PADI6: variants seen among roughly 807,000 people sequenced by gnomAD.
PADI6 encodes the protein peptidyl arginine deiminase 6, also known as inactive protein-arginine deiminase type-6.
In PADI6, 66 loss-of-function variants were observed where a neutral mutation model predicts 78.2. That is an observed-to-expected ratio of 0.84 (90% CI 0.69 to 1.04). The LOEUF is 1.04. PADI6 is among the 50% of genes least tolerant of loss of function. The pLI is 0.00. For synonymous variants in PADI6, 397 were observed against 346.9 expected, an observed-to-expected ratio of 1.14 and a Z score of -1.60; for missense variants, 854 against 866.1, an observed-to-expected ratio of 0.99 and a Z score of 0.18.
At position 17,372,311 on chromosome 1, in the gene PADI6, T is replaced by C; in HGVS notation, c.66T>C (p.Pro22=). Residue 22 remains proline, a synonymous_variant, in exon 1 of 16, where the codon CCT becomes CCC. Coordinates refer to ENST00000619609, the MANE Select transcript of PADI6 (RefSeq NM_207421.4). ...TCATCCACCTGTCCCTGGACAGCCC[T>C]GTCCATGCCGTTTGTGTGTTGGGCA... is the stretch of plus-strand genomic sequence containing the variant. ...QSIIHLSLDS[P]VHAVCVLGTE... is the part of the protein sequence containing the mutation. 1 of 1,613,974 alleles carries C rather than the reference T, an allele frequency of 6.2e-7. No homozygotes were observed.
chr1:17,380,767 C>G (rs1386203081), intron 4 of PADI6, among the ~76,000 whole-genome samples: 1 of 152,184 alleles, frequency 6.6e-6, no homozygotes, highest in Non-Finnish European at 1.5e-5. Flanking sequence ...TGCCAGGTGG[C>G]ACGTCTCTTT....
At chr1:17,394,210 G>T (rs1237121923) in intron 10 of PADI6, 90 bp from the exon 11 acceptor site, 10 of 1,566,100 alleles carry the variant, frequency 6.4e-6, no homozygotes, top group East Asian at 2.3e-5. Context: ...GGACGTGGAA[G>T]TCTACCTGAG....
intron 5 of PADI6, 116 bp from the exon 6 acceptor site, chr1:17,381,851 G>T (rs79493782): frequency 8.0e-7 from 1 of 1,249,966 alleles, no homozygotes; most frequent in East Asian, 2.4e-5. Context: ...CTAGCAAAAG[G>T]CAGGGGGTCC....
chr1:17,392,183 A>C lies in PADI6; in HGVS notation c.1032A>C (p.Ala344=), dbSNP rs769342993. Residue 344 remains alanine (A), a synonymous_variant, in exon 9 of 16, where the codon GCA becomes GCC. Transcript: ENST00000619609. ...KLSEKSNSQV[A]SVYEDPNRLG... is the part of the protein sequence containing the mutation. ...GTGAGAAGAGCAACAGCCAGGTGGC[A>C]TCTGTCTATGAGGACCCCAACCGCC... The C allele has an allele frequency of 4.8e-5, 75 of 1,560,796 alleles. No homozygotes were observed. The South Asian group carries it at 5.0e-4, about 10-fold the overall frequency.
intron 3 of PADI6, among the ~76,000 whole-genome samples, chr1:17,378,236 G>A (rs570683487): frequency 6.6e-6 from 1 of 152,222 alleles, no homozygotes; most frequent in Admixed American, 6.5e-5. Context: ...CAAACATGAT[G>A]TACCTGCTTG....
At position 17,397,091 on chromosome 1, in the gene PADI6, G is replaced by T; in HGVS notation, c.1639G>T (p.Asp547Tyr). 6.2e-7 allele frequency: 1 copy of T among 1,613,786 alleles called. No individual in the cohort carries two copies. Among genetic ancestry groups the T allele is most frequent in the South Asian group, 1.1e-5 (1 of 90,986 alleles). ...LSNGREAKTIDQLLADESLKK... is the reference protein window; with the variant it reads ...LSNGREAKTIYQLLADESLKK... Reference sequence around the variant, plus strand: ...TACAGGAAGGGAAGCCAAAACCATCGACCAACTTCTGGCTGATGAAAGCCT... The same window carrying T: ...TACAGGAAGGGAAGCCAAAACCATCTACCAACTTCTGGCTGATGAAAGCCT... Residue 547 changes from aspartate (D) to tyrosine (Y), a missense_variant, in exon 14 of 16, where the codon GAC becomes TAC. Asp to Tyr is a radical substitution (Grantham distance 160). Transcript: ENST00000619609.
rs559040336 is a variant in PADI6 at position 17,397,064 on chromosome 1, C to T, written c.1619-7C>T. On this transcript the variant is annotated splice_region_variant and splice_polypyrimidine_tract_variant and intron_variant, in intron 13 of 15. Coordinates refer to ENST00000619609, the MANE Select transcript of PADI6 (RefSeq NM_207421.4). The stretch of plus-strand genomic sequence containing the variant: ...CCAGCAGGCCTGCTGCCCGCTTCTT[C>T]CTACAGGAAGGGAAGCCAAAACCAT... 4 of 1,613,536 alleles carry T rather than the reference C, an allele frequency of 2.5e-6. No individual in the cohort carries two copies. The African/African-American group carries it at 4.0e-5, about 16-fold the overall frequency.
Position 17,380,006 on chromosome 1 carries a change from G to A in PADI6, c.435+19G>A. 1 of 1,612,772 alleles carries A rather than the reference G, an allele frequency of 6.2e-7. No individual in the cohort carries two copies. Among genetic ancestry groups the A allele is most frequent in the Non-Finnish European group, 8.5e-7 (1 of 1,179,142 alleles). On this transcript the variant is annotated intron_variant, in intron 4 of 15. Coordinates refer to ENST00000619609, the MANE Select transcript of PADI6 (RefSeq NM_207421.4). ...GGCTAAGGTGAGTCTGCCAGCAAAA[G>A]GGGGCAGGGAAGGGGCCCTATAAGC...
At chr1:17,383,771 C>A (rs1188327803) in intron 6 of PADI6, among the ~76,000 whole-genome samples, 1 of 152,242 alleles carries the variant, frequency 6.6e-6, no homozygotes. Context: ...ACCCGAAAGG[C>A]AGAGGTTGCA....
intron 8 of PADI6, 134 bp from the exon 9 acceptor site, chr1:17,391,980 C>T (rs745541512): frequency 1.8e-4 from 127 of 689,782 alleles, no homozygotes; most frequent in Non-Finnish European, 2.9e-4. Context: ...GATGGTTGCT[C>T]TGTCGACCTC....
chr1:17,384,329 C>T (rs2075100866), intron 6 of PADI6, among the ~76,000 whole-genome samples: 2 of 150,786 alleles, frequency 1.3e-5, no homozygotes, highest in African/African-American at 2.4e-5. Flanking sequence ...TGTGTTGGCT[C>T]ACACCTGTAA....
At chr1:17,394,503 C>T (rs775134520) in intron 11 of PADI6, 49 bp downstream of exon 11, 5 of 1,579,996 alleles carry the variant, frequency 3.2e-6, no homozygotes, top group Non-Finnish European at 3.4e-6. Flanking sequence ...GGACCATGGT[C>T]GTTCCCCTGG....
chr1:17,401,642 G>A lies in PADI6; in HGVS notation c.*204G>A, dbSNP rs1191230349. 6 of 587,274 alleles carry A rather than the reference G, an allele frequency of 1.0e-5. No individual in the cohort carries two copies. The highest frequency in any genetic ancestry group is 1.9e-5 in the African/African-American group (1 of 53,632). 36.4% of individuals were successfully genotyped at this position (587,274 alleles called of 1,614,324 possible). A position where few individuals can be genotyped will look rare whatever the true frequency, so the allele number is the denominator to read the frequency against. On this transcript the variant is annotated 3_prime_UTR_variant, in exon 16 of 16. Coordinates refer to ENST00000619609, the MANE Select transcript of PADI6 (RefSeq NM_207421.4). The stretch of plus-strand genomic sequence containing the variant: ...ACCCCTATGGGGAAAAGATGCAAAA[G>A]TGTTCAGCCAAGTGACGTTTACTAA...
At chr1:17,396,988 C>T (rs2075253037) in intron 13 of PADI6, 83 bp from the exon 14 acceptor site, 2 of 1,386,664 alleles carry the variant, frequency 1.4e-6, no homozygotes, top group Admixed American at 1.9e-5. Flanking sequence ...ACCCAGGTGG[C>T]TGGGCCTGGC....
Position 17,394,343 on chromosome 1 carries a change from A to T in PADI6, c.1226A>T (p.Lys409Ile). 1 of 1,613,850 alleles carries T rather than the reference A, an allele frequency of 6.2e-7. No homozygotes were observed. Residue 409 changes from lysine (K) to isoleucine (I), a missense_variant, in exon 11 of 16, where the codon AAA becomes ATA. Lys to Ile is a moderately radical substitution (Grantham distance 102). Transcript: ENST00000619609. Reference sequence around the variant, plus strand: ...ATGATCCAGGACACTGAGGACCATAAAGTGGCCAGCATGGATTCCATTGGG... The same window carrying T: ...ATGATCCAGGACACTGAGGACCATATAGTGGCCAGCATGGATTCCATTGGG... ...GYMIQDTEDH[K>I]VASMDSIGNL...
intron 15 of PADI6, 105 bp from the exon 16 acceptor site, chr1:17,401,100 C>T (rs1028802528): frequency 2.0e-6 from 2 of 1,008,080 alleles, no homozygotes; most frequent in Non-Finnish European, 2.9e-6. Context: ...GAGGAGGCGG[C>T]TGCCTGCCTG....
At chr1:17,398,185 G>A (rs557809346) in intron 14 of PADI6, among the ~76,000 whole-genome samples, 33 of 152,260 alleles carry the variant, frequency 2.2e-4, no homozygotes, top group African/African-American at 7.5e-4. Flanking sequence ...TCTATGCCCC[G>A]CACAGTGCAT....
At chr1:17,374,578 A>T (rs1252678643) in intron 2 of PADI6, among the ~76,000 whole-genome samples, 1 of 152,080 alleles carries the variant, frequency 6.6e-6, no homozygotes, top group Admixed American at 6.5e-5. Context: ...GTAAGCTGAG[A>T]TTGTCCCACT....
rs1211239267 is a variant in PADI6, at chr1:17,388,767, C to T, written c.859-10C>T. The T allele has an allele frequency of 6.2e-7, 1 of 1,611,690 alleles. No homozygotes were observed. Among genetic ancestry groups the T allele is most frequent in the Non-Finnish European group, 8.5e-7 (1 of 1,178,698 alleles). On this transcript the variant is annotated splice_polypyrimidine_tract_variant and intron_variant, in intron 7 of 15. Transcript: ENST00000619609. ...AAGCAGGTTGCTAACAGGACCTTGTCTTGTTGCAGTCAATTCCAGAGACTG... is the reference window on the plus strand; with the variant it reads ...AAGCAGGTTGCTAACAGGACCTTGTTTTGTTGCAGTCAATTCCAGAGACTG...
Sources: allele counts gnomAD v4.1 joint callset (sites outside exome capture counted in the v4.1 genomes callset), GRCh38; gene constraint gnomAD v4.1.1; transcripts MANE v1.5; gene names NCBI Gene and HGNC (gene_info 2026-07-23, HGNC 2026-07-21).